NXPE2: variants seen among roughly 807,000 people sequenced by gnomAD.
NXPE2 encodes the protein NXPE family member 2.
In NXPE2, 34 loss-of-function variants were observed where a neutral mutation model predicts 34.4. The ratio of observed to expected loss-of-function variants is 0.99; its 90% CI spans 0.75 to 1.31. The LOEUF (loss-of-function observed/expected upper bound fraction) is 1.31, where lower values mean the gene tolerates loss of function less well. Among genes scored for constraint, NXPE2 ranks in the 40% most tolerant of loss-of-function variants. The pLI, the probability that NXPE2 is intolerant of heterozygous loss-of-function variation, is 0.00. For missense variants in NXPE2, 649 were observed against 672.5 expected (o/e 0.97, Z 0.39); for synonymous variants, 235 against 231.3 (o/e 1.02, Z -0.15).
At chr11:114,735,084 TG>T in the NXPE2 span, among the ~76,000 whole-genome samples, 1 of 152,134 alleles carries the variant, frequency 6.6e-6, no homozygotes, top group African/African-American at 2.4e-5. Context: ...CACTCTAGCC[TG>T]GGCAACAGAG....
the NXPE2 span, among the ~76,000 whole-genome samples, chr11:114,769,096 C>G: frequency 6.6e-6 from 1 of 151,464 alleles, no homozygotes; most frequent in Admixed American, 6.6e-5. Flanking sequence ...CTACTAAGAA[C>G]TTAAACAAAT....
the NXPE2 span, among the ~76,000 whole-genome samples, chr11:114,734,339 T>A: frequency 6.6e-6 from 1 of 152,218 alleles, no homozygotes; most frequent in Non-Finnish European, 1.5e-5. Context: ...GCTATATGTC[T>A]TAGAAAATAT....
the NXPE2 span, among the ~76,000 whole-genome samples, chr11:114,467,538 AAGAAGGCTATCTGTATG>A: frequency 1.9e-3 from 289 of 152,284 alleles, no homozygotes; most frequent in African/African-American, 6.8e-3. Context: ...GGAAATAGGG[AAGAAGGCTATCTGTATG>A]CCTCAGTACT....
chr11:114,735,438 C>T, the NXPE2 span, among the ~76,000 whole-genome samples: 1 of 152,040 alleles, frequency 6.6e-6, no homozygotes, highest in East Asian at 1.9e-4. Context: ...AAATCACTAG[C>T]TATGAGAATG....
chr11:114,707,953 T>G (rs765065664), downstream of NXPE2, among the ~76,000 whole-genome samples: 33 of 152,354 alleles, frequency 2.2e-4, 1 homozygote, highest in Non-Finnish European at 4.7e-4. Flanking sequence ...TTGATCGACA[T>G]TTGGGTTGTT....
At chr11:114,615,373 CG>C in the NXPE2 span, among the ~76,000 whole-genome samples, 1 of 151,614 alleles carries the variant, frequency 6.6e-6, no homozygotes. Flanking sequence ...CACTGTTACC[CG>C]GTGGATAATA....
the NXPE2 span, among the ~76,000 whole-genome samples, chr11:114,782,676 G>C: frequency 1.3e-5 from 2 of 152,148 alleles, no homozygotes; most frequent in African/African-American, 4.8e-5. Flanking sequence ...TTTCTTCTGA[G>C]GATAAGTCAC....
At chr11:114,755,883 C>T in the NXPE2 span, among the ~76,000 whole-genome samples, 2 of 152,122 alleles carry the variant, frequency 1.3e-5, no homozygotes, top group African/African-American at 4.8e-5. Context: ...CCTCCCTGAA[C>T]CTCAAGTTTC....
chr11:114,523,117 A>T, the NXPE2 span: 1 of 1,550,612 alleles, frequency 6.4e-7, no homozygotes, highest in African/African-American at 1.4e-5. Context: ...CTCGTAAATG[A>T]TTTTATTGGC....
intron 5 of NXPE2, 137 bp from the exon 6 acceptor site, chr11:114,706,258 G>A: frequency 1.5e-6 from 1 of 661,822 alleles, no homozygotes; most frequent in Non-Finnish European, 2.3e-6. Context: ...AATGCACCTG[G>A]TAAAATTATC....
the NXPE2 span, among the ~76,000 whole-genome samples, chr11:114,750,751 T>C: frequency 1.3e-5 from 2 of 152,214 alleles, no homozygotes; most frequent in East Asian, 3.8e-4. Flanking sequence ...ATAACATGAA[T>C]CACAACCTTT....
At position 114,706,986 on chromosome 11, in the gene NXPE2, G is replaced by A; in HGVS notation, c.*56G>A. 2 of 1,354,008 alleles carry A rather than the reference G, an allele frequency of 1.5e-6. No individual in the cohort carries two copies. The highest frequency in any genetic ancestry group is 2.0e-6 in the Non-Finnish European group (2 of 1,012,046). The allele number at this position is 1,354,008 out of a possible 1,614,324, so 83.9% of individuals were successfully genotyped here. A position where few individuals can be genotyped will look rare whatever the true frequency, so the allele number is the denominator to read the frequency against. On this transcript the variant is annotated 3_prime_UTR_variant, in exon 6 of 6. Coordinates refer to ENST00000389586, the MANE Select transcript of NXPE2 (RefSeq NM_182495.6). The stretch of plus-strand genomic sequence containing the variant: ...TTCTATAGATGATCTCACATATACA[G>A]CGAAGATAGTTTAATGCAATCCAAG...
chr11:114,799,468 A>G, the NXPE2 span, among the ~76,000 whole-genome samples: 441 of 152,318 alleles, frequency 2.9e-3, 3 homozygotes, highest in African/African-American at 9.6e-3. Flanking sequence ...CAGATAAATG[A>G]GATGGTGATG....
At chr11:114,651,626 T>C in the NXPE2 span, among the ~76,000 whole-genome samples, 1 of 152,210 alleles carries the variant, frequency 6.6e-6, no homozygotes, top group Non-Finnish European at 1.5e-5. Flanking sequence ...TACAGAGCAC[T>C]GATTGGCCCA....
chr11:114,510,846 T>C, the NXPE2 span, among the ~76,000 whole-genome samples: 1 of 152,150 alleles, frequency 6.6e-6, no homozygotes, highest in African/African-American at 2.4e-5. Context: ...CAATTATTAA[T>C]TTTAGTAAAA....
chr11:114,709,521 G>A (rs544263710), downstream of NXPE2, among the ~76,000 whole-genome samples: 2 of 152,296 alleles, frequency 1.3e-5, no homozygotes, highest in Non-Finnish European at 2.9e-5. Context: ...ACTTGAGCAA[G>A]CCATTTGAAA....
the NXPE2 span, chr11:114,580,137 A>T: frequency 6.2e-7 from 1 of 1,613,152 alleles, no homozygotes; most frequent in Non-Finnish European, 8.5e-7. Flanking sequence ...CATACTGTTG[A>T]TACTGGCTTT....
chr11:114,518,643 C>A, the NXPE2 span, among the ~76,000 whole-genome samples: 7 of 152,088 alleles, frequency 4.6e-5, no homozygotes, highest in Non-Finnish European at 8.8e-5. Context: ...CTGAGGTATC[C>A]TTTGCTCTGT....
chr11:114,752,510 T>C, the NXPE2 span, among the ~76,000 whole-genome samples: 1 of 152,288 alleles, frequency 6.6e-6, no homozygotes, highest in South Asian at 2.1e-4. Flanking sequence ...AGGGAGATCA[T>C]TGAGCAAATA....
Sources: allele counts gnomAD v4.1 joint callset (sites outside exome capture counted in the v4.1 genomes callset), GRCh38; gene constraint gnomAD v4.1.1; transcripts MANE v1.5; gene names NCBI Gene and HGNC (gene_info 2026-07-23, HGNC 2026-07-21).